DMRT1: variants seen among roughly 807,000 people sequenced by gnomAD.
DMRT1 encodes doublesex and mab-3 related transcription factor 1.
Under a neutral mutation model 32.3 loss-of-function variants are expected in DMRT1, and 7 were observed. The ratio of observed to expected loss-of-function variants is 0.22; its 90% CI spans 0.12 to 0.41. The LOEUF (loss-of-function observed/expected upper bound fraction) is 0.41, where lower values mean the gene tolerates loss of function less well. Ranked by LOEUF, DMRT1 falls within the 10% of genes least tolerant of loss-of-function variation. The pLI, the probability that DMRT1 is intolerant of heterozygous loss-of-function variation, is 1.00. For synonymous variants in DMRT1, 278 were observed against 206.1 expected, an observed-to-expected ratio of 1.35 and a Z score of -2.99; for missense variants, 625 against 500.5, an observed-to-expected ratio of 1.25 and a Z score of -2.37.
chr9:890,267 GAGAA>G (rs1817094084), intron 2 of DMRT1, among the ~76,000 whole-genome samples: 1 of 152,084 alleles, frequency 6.6e-6, no homozygotes, highest in African/African-American at 2.4e-5. Flanking sequence ...TTTAAAATAA[GAGAA>G]AGGCCCAGTG....
intron 2 of DMRT1, among the ~76,000 whole-genome samples, chr9:891,681 ATTT>A (rs111596773): frequency 2.1e-5 from 3 of 140,906 alleles, no homozygotes; most frequent in African/African-American, 2.6e-5. Context: ...CGCCTGGCTA[ATTT>A]TTTTTTTTTT....
In DMRT1 at chr9:847,134, G is replaced by C; in HGVS notation, c.529G>C (p.Ala177Pro). 1 of 1,612,760 alleles carries C rather than the reference G, an allele frequency of 6.2e-7. No individual in the cohort carries two copies. Among genetic ancestry groups the C allele is most frequent in the Non-Finnish European group, 8.5e-7 (1 of 1,179,852 alleles). Residue 177 changes from alanine (A) to proline (P), a missense_variant, in exon 2 of 5, where the codon GCA (alanine) becomes CCA (proline). Physicochemically the swap from Ala to Pro is conservative, Grantham distance 27. Around this residue, in one of 3 missense-constraint regions of DMRT1, gnomAD observed 416 missense variants for 321.6 expected, o/e 1.29. Coordinates refer to ENST00000382276, the MANE Select transcript of DMRT1 (RefSeq NM_021951.3). ...ACCGCCGGCCAGTGTCCCCACCACT[G>C]CAGCTTCAGGTAATCTGGAGGGGCT... Reference protein sequence around the residue: ...QPPPASVPTTAASEGRMVIQD... With the variant: ...QPPPASVPTTPASEGRMVIQD...
At chr9:923,616 A>G (rs1818424553) in intron 4 of DMRT1, among the ~76,000 whole-genome samples, 2 of 152,126 alleles carry the variant, frequency 1.3e-5, no homozygotes, top group African/African-American at 2.4e-5. Flanking sequence ...CTCTTCTTGT[A>G]GGGGAGAACG....
chr9:870,647 G>A (rs1816203469), intron 2 of DMRT1, among the ~76,000 whole-genome samples: 1 of 148,332 alleles, frequency 6.7e-6, no homozygotes, highest in Non-Finnish European at 1.5e-5. Context: ...CCCCTGGTGA[G>A]TCTAAAGGCT....
intron 3 of DMRT1, among the ~76,000 whole-genome samples, chr9:910,630 C>A (rs1030522685): frequency 6.6e-6 from 1 of 151,624 alleles, no homozygotes; most frequent in African/African-American, 2.4e-5. Context: ...AATTATGGCT[C>A]GGGTTTACTG....
intron 4 of DMRT1, among the ~76,000 whole-genome samples, chr9:941,832 T>C (rs186405864): frequency 5.9e-4 from 90 of 152,362 alleles, no homozygotes; most frequent in African/African-American, 2.1e-3. Flanking sequence ...GTAAGTCACA[T>C]TGATGAATGT....
chr9:873,235 C>G (rs928705311), intron 2 of DMRT1, among the ~76,000 whole-genome samples: 1 of 152,002 alleles, frequency 6.6e-6, no homozygotes, highest in African/African-American at 2.4e-5. Context: ...AATGGTTATT[C>G]AAGTCCTTTG....
At chr9:911,489 T>TG (rs1276320239) in intron 3 of DMRT1, among the ~76,000 whole-genome samples, 23 of 84,230 alleles carry the variant, frequency 2.7e-4, no homozygotes, top group African/African-American at 1.3e-3. Flanking sequence ...TTTTTTTTTT[T>TG]TTTTTTTTTT....
intron 2 of DMRT1, among the ~76,000 whole-genome samples, chr9:885,422 A>G (rs1478286356): frequency 6.6e-6 from 1 of 152,174 alleles, no homozygotes; most frequent in Non-Finnish European, 1.5e-5. Flanking sequence ...GGAGTCAGAA[A>G]GGAGATGGTT....
intron 4 of DMRT1, among the ~76,000 whole-genome samples, chr9:946,030 A>G (rs558458312): frequency 6.6e-6 from 1 of 152,238 alleles, no homozygotes; most frequent in East Asian, 1.9e-4. Flanking sequence ...ATGTAGGTCT[A>G]CTTTATTATT....
intron 3 of DMRT1, among the ~76,000 whole-genome samples, chr9:907,471 AC>A (rs771253383): frequency 4.6e-5 from 7 of 152,018 alleles, no homozygotes; most frequent in Non-Finnish European, 8.8e-5. Context: ...CAACCACCCC[AC>A]TCTCTTTTGT....
chr9:935,559 C>T (rs913130589), intron 4 of DMRT1, among the ~76,000 whole-genome samples: 8 of 152,194 alleles, frequency 5.3e-5, no homozygotes, highest in Admixed American at 2.6e-4. Context: ...CGTAATTGCT[C>T]GCTTCCGCAT....
intron 4 of DMRT1, among the ~76,000 whole-genome samples, chr9:963,227 C>T (rs1417907014): frequency 6.6e-6 from 1 of 152,140 alleles, no homozygotes; most frequent in Non-Finnish European, 1.5e-5. Flanking sequence ...CTTTCATTTA[C>T]AGTGATTGGC....
intron 2 of DMRT1, among the ~76,000 whole-genome samples, chr9:884,622 CCTT>C (rs1314996728): frequency 6.6e-6 from 1 of 152,162 alleles, no homozygotes; most frequent in Non-Finnish European, 1.5e-5. Flanking sequence ...TGGATCCAGT[CCTT>C]CTGATCTTTT....
intron 4 of DMRT1, among the ~76,000 whole-genome samples, chr9:940,139 G>A (rs1004994488): frequency 5.9e-5 from 9 of 151,946 alleles, no homozygotes; most frequent in African/African-American, 2.2e-4. Context: ...CTGACACTGT[G>A]GAAACCAGTT....
chr9:885,072 A>C (rs1816873409), intron 2 of DMRT1, among the ~76,000 whole-genome samples: 1 of 152,206 alleles, frequency 6.6e-6, no homozygotes, highest in Non-Finnish European at 1.5e-5. Context: ...AGAGCGTGTG[A>C]AGGAGGCATG....
At chr9:943,862 A>G (rs1417277714) in intron 4 of DMRT1, among the ~76,000 whole-genome samples, 2 of 152,246 alleles carry the variant, frequency 1.3e-5, no homozygotes, top group Non-Finnish European at 2.9e-5. Flanking sequence ...TTTAAAGAAA[A>G]GATGAGTTTA....
At chr9:966,871 C>T (rs1450354283) in intron 4 of DMRT1, among the ~76,000 whole-genome samples, 2 of 152,236 alleles carry the variant, frequency 1.3e-5, no homozygotes, top group Non-Finnish European at 2.9e-5. Context: ...ATGACTTCAG[C>T]ACTCAGCTCC....
At chr9:854,730 C>A (rs1053522959) in intron 2 of DMRT1, among the ~76,000 whole-genome samples, 12 of 147,506 alleles carry the variant, frequency 8.1e-5, no homozygotes, top group Non-Finnish European at 1.6e-4. Flanking sequence ...ATTTTACTTT[C>A]AAATTAAACA....
Sources: gnomAD v4.1 joint callset for allele counts (sites outside exome capture counted in the v4.1 genomes callset) on GRCh38, gnomAD v4.1.1 for gene constraint, gnomAD v4.1.1 regional missense constraint, MANE v1.5 for transcripts, NCBI Gene and HGNC (gene_info 2026-07-23, HGNC 2026-07-21) for gene names.